The following VRK2 variants were observed in gnomAD, a reference collection of about 807,000 sequenced individuals.
VRK2 encodes the protein serine/threonine-protein kinase VRK2.
In VRK2, 60 loss-of-function variants were observed where a neutral mutation model predicts 57.6. The ratio of observed to expected loss-of-function variants is 1.04; its 90% CI spans 0.85 to 1.29. VRK2 has a LOEUF of 1.29. Among genes scored for constraint, VRK2 ranks in the 50% most tolerant of loss-of-function variants. The pLI, the probability that VRK2 is intolerant of heterozygous loss-of-function variation, is 0.00. For synonymous variants in VRK2, 231 were observed against 199.2 expected (o/e 1.16, Z -1.35); for missense variants, 705 against 588.1 (o/e 1.20, Z -2.06).
At chr2:58,097,397 A>C (rs1673302900) in intron 7 of VRK2, among the ~76,000 whole-genome samples, 1 of 151,746 alleles carries the variant, frequency 6.6e-6, no homozygotes, top group South Asian at 2.1e-4. Context: ...TGTTTTTTTA[A>C]ATCTTTCAAG....
At chr2:58,083,532 T>G (rs888871635) in intron 2 of VRK2, among the ~76,000 whole-genome samples, 1 of 151,840 alleles carries the variant, frequency 6.6e-6, no homozygotes, top group Non-Finnish European at 1.5e-5. Flanking sequence ...AAGTAATTGA[T>G]TAGCAGGTTC....
intron 1 of VRK2, among the ~76,000 whole-genome samples, chr2:57,986,944 T>G (rs1030019526): frequency 1.3e-5 from 2 of 152,148 alleles, no homozygotes; most frequent in Admixed American, 6.5e-5. Context: ...GCAAAACTAA[T>G]TGTTAGATAA....
chr2:58,147,154 T>C (rs761876090), intron 12 of VRK2: 3 of 518,014 alleles, frequency 5.8e-6, no homozygotes, highest in South Asian at 2.8e-5. Context: ...TCAAGAAAAA[T>C]TGATATATCA....
rs1572940969 is a variant in VRK2 at position 57,988,267 on chromosome 2, AATC to A, written c.-438-37397_-438-37395del. 2.0e-5 allele frequency among the ~76,000 whole-genome samples: 3 copies of A among 152,212 alleles called. No individual in the cohort carries two copies. The East Asian group carries it at 5.8e-4, about 29-fold the overall frequency. On this transcript the variant is annotated intron_variant, in intron 1 of 15. Coordinates refer to the VRK2 transcript ENST00000417641. ...AACATTTTCAAAATATTTATGTTAA[AATC>A]TCTTCACATAGTTTTATGATTTCTA...
intron 1 of VRK2, among the ~76,000 whole-genome samples, chr2:58,024,438 T>C (rs72949137): frequency 0.061 from 9,294 of 152,130 alleles, 965 homozygotes; most frequent in African/African-American, 0.21. Flanking sequence ...ATTAAACTAC[T>C]TAAGTGAGTA....
At chr2:58,016,407 C>T (rs918196715) in intron 1 of VRK2, among the ~76,000 whole-genome samples, 3 of 152,102 alleles carry the variant, frequency 2.0e-5, no homozygotes, top group South Asian at 4.1e-4. Flanking sequence ...AATGCAGTGG[C>T]GCAATCTTGG....
intron 2 of VRK2, among the ~76,000 whole-genome samples, chr2:58,068,778 T>C (rs1227198491): frequency 1.3e-5 from 2 of 149,814 alleles, no homozygotes; most frequent in African/African-American, 2.5e-5. Flanking sequence ...CTTTTTCTTA[T>C]GTCATCTCCC....
At chr2:58,142,824 A>G (rs1396143101) in intron 11 of VRK2, among the ~76,000 whole-genome samples, 3 of 151,926 alleles carry the variant, frequency 2.0e-5, no homozygotes, top group Non-Finnish European at 4.4e-5. Context: ...TCGTTTATCA[A>G]TGACTCCCAC....
intron 1 of VRK2, among the ~76,000 whole-genome samples, chr2:57,936,318 G>C (rs1428311334): frequency 6.6e-6 from 1 of 152,020 alleles, no homozygotes; most frequent in South Asian, 2.1e-4. Context: ...AACCTTATAG[G>C]CTGATTTTTC....
chr2:57,971,691 G>T (rs1195699993), intron 1 of VRK2, among the ~76,000 whole-genome samples: 1 of 151,424 alleles, frequency 6.6e-6, no homozygotes, highest in Non-Finnish European at 1.5e-5. Context: ...TATAATTAAT[G>T]CCTATATCCA....
At chr2:57,999,593 A>T (rs1673028322) in intron 1 of VRK2, among the ~76,000 whole-genome samples, 2 of 152,174 alleles carry the variant, frequency 1.3e-5, no homozygotes, top group South Asian at 4.1e-4. Context: ...CATAAATATA[A>T]AAAATTTTGA....
intron 1 of VRK2, among the ~76,000 whole-genome samples, chr2:57,965,386 A>G (rs1201641488): frequency 6.6e-6 from 1 of 152,256 alleles, no homozygotes; most frequent in Non-Finnish European, 1.5e-5. Context: ...GTAGAAGTGT[A>G]GAATGGGAAC....
intron 3 of VRK2, among the ~76,000 whole-genome samples, chr2:58,034,490 A>T (rs563980498): frequency 6.6e-6 from 1 of 152,012 alleles, no homozygotes; most frequent in Non-Finnish European, 1.5e-5. Flanking sequence ...AGAATCCTAT[A>T]GTTTTTCTCA....
intron 11 of VRK2, 92 bp from the exon 12 acceptor site, chr2:58,146,224 T>G: frequency 1.7e-6 from 2 of 1,151,340 alleles, no homozygotes; most frequent in Non-Finnish European, 2.3e-6. Flanking sequence ...GCTTGGCAAG[T>G]TTAGAGCTTT....
rs149633788 is a variant in VRK2, at chr2:57,995,710, A to G, written c.-438-29955A>G. Reference sequence around the variant, plus strand: ...TTGTCACACAGAATATTGAAAAACTAGTACTCAAGCATCCAGATTTAATCA... The same window carrying G: ...TTGTCACACAGAATATTGAAAAACTGGTACTCAAGCATCCAGATTTAATCA... On this transcript the variant is annotated intron_variant, in intron 1 of 15. Transcript: ENST00000417641. Among the ~76,000 whole-genome samples the G allele has an allele frequency of 1.8e-3, 271 of 152,362 alleles. 3 individuals are homozygous for G. The highest frequency in any genetic ancestry group is 6.2e-3 in the African/African-American group (256 of 41,596).
At chr2:57,998,701 A>G (rs1672998388) in intron 1 of VRK2, among the ~76,000 whole-genome samples, 1 of 152,204 alleles carries the variant, frequency 6.6e-6, no homozygotes. Flanking sequence ...TCTGTTCTTC[A>G]GATCACCATG....
chr2:58,089,755 C>A (rs1672113356), intron 7 of VRK2, 32 bp downstream of exon 7: 1 of 1,461,206 alleles, frequency 6.8e-7, no homozygotes, highest in South Asian at 1.2e-5. Context: ...TAATAAAGGT[C>A]TTTAATGTAT....
At chr2:58,075,340 A>G (rs915335794) in intron 2 of VRK2, among the ~76,000 whole-genome samples, 4 of 152,114 alleles carry the variant, frequency 2.6e-5, no homozygotes, top group Admixed American at 6.6e-5. Flanking sequence ...TGGTGCTGCA[A>G]TGAACATTCA....
intron 12 of VRK2, among the ~76,000 whole-genome samples, chr2:58,151,623 A>G (rs762825241): frequency 6.8e-6 from 1 of 146,294 alleles, no homozygotes; most frequent in Non-Finnish European, 1.5e-5. Context: ...ATCTACCATT[A>G]TGCAGTTTGC....
Sources: gnomAD v4.1 joint callset for allele counts (sites outside exome capture counted in the v4.1 genomes callset) on GRCh38, gnomAD v4.1.1 for gene constraint, MANE v1.5 for transcripts, NCBI Gene and HGNC (gene_info 2026-07-23, HGNC 2026-07-21) for gene names.